The following SERGEF variants were observed in gnomAD, a reference collection of about 807,000 sequenced individuals.
SERGEF encodes the protein secretion-regulating guanine nucleotide exchange factor.
Under a neutral mutation model 50.0 loss-of-function variants are expected in SERGEF, and 51 were observed. The observed-to-expected ratio is 1.02, with a 90% CI of 0.81 to 1.29. SERGEF has a LOEUF of 1.29. Ranked by LOEUF, SERGEF falls within the 50% of genes most tolerant of loss-of-function variation. The probability of loss-of-function intolerance (pLI) is 0.00; values close to 1 mark genes in which losing one functional copy is unlikely to be tolerated. For synonymous variants in SERGEF, 205 were observed against 212.4 expected (o/e 0.97, Z 0.30); for missense variants, 521 against 557.0 (o/e 0.94, Z 0.65).
At chr11:17,875,586 T>C (rs1851224605) in intron 10 of SERGEF, among the ~76,000 whole-genome samples, 1 of 152,260 alleles carries the variant, frequency 6.6e-6, no homozygotes, top group Non-Finnish European at 1.5e-5. Flanking sequence ...GCTACTTATC[T>C]CTACAACCTG....
intron 9 of SERGEF, among the ~76,000 whole-genome samples, chr11:17,910,870 G>T (rs572745440): frequency 1.3e-5 from 2 of 152,186 alleles, no homozygotes; most frequent in African/African-American, 4.8e-5. Context: ...CAGTGCTGGG[G>T]ATAGAGGAGG....
At position 17,890,954 on chromosome 11, in the gene SERGEF, C is replaced by A. The variant is rs574631036; in HGVS notation, c.1012-12710G>T. Among the ~76,000 whole-genome samples the A allele has an allele frequency of 5.9e-5, 9 of 152,252 alleles. No individual in the cohort carries two copies. In the South Asian group the frequency reaches 1.7e-3, roughly 28 times the overall value. ...TTGAGCATCAAAATAAATAATGATA[C>A]TCATTGGAATATAAGCCAGAGACTA... is the stretch of plus-strand genomic sequence containing the variant. On this transcript the variant is annotated intron_variant, in intron 9 of 10. Coordinates refer to ENST00000265965, the MANE Select transcript of SERGEF (RefSeq NM_012139.4).
chr11:17,827,811 C>T (rs1850227184), intron 10 of SERGEF, among the ~76,000 whole-genome samples: 1 of 152,202 alleles, frequency 6.6e-6, no homozygotes, highest in Non-Finnish European at 1.5e-5. Flanking sequence ...GACTCCTAGA[C>T]ACTGAATCTG....
At chr11:18,008,740 C>A (rs1854134622) in intron 1 of SERGEF, among the ~76,000 whole-genome samples, 1 of 151,530 alleles carries the variant, frequency 6.6e-6, no homozygotes, top group Non-Finnish European at 1.5e-5. Context: ...GCAGGTGTAT[C>A]TCGTATCTCT....
chr11:17,959,202 T>C (rs1852940049), intron 9 of SERGEF, among the ~76,000 whole-genome samples: 1 of 152,226 alleles, frequency 6.6e-6, no homozygotes. Flanking sequence ...GGCCAATCTC[T>C]GTACCCTGAA....
intron 9 of SERGEF, among the ~76,000 whole-genome samples, chr11:17,896,578 AAGGG>A (rs1851628050): frequency 5.6e-5 from 2 of 35,542 alleles, no homozygotes; most frequent in Non-Finnish European, 1.1e-4. Flanking sequence ...AGGGGAAGGG[AAGGG>A]AAGGGGAAGG....
chr11:17,922,645 C>A (rs892884214), intron 9 of SERGEF, among the ~76,000 whole-genome samples: 1 of 152,130 alleles, frequency 6.6e-6, no homozygotes, highest in African/African-American at 2.4e-5. Context: ...CCCCTGAGAA[C>A]AAGCAGAACA....
At chr11:17,974,039 G>A (rs1290650266) in intron 8 of SERGEF, among the ~76,000 whole-genome samples, 1 of 152,122 alleles carries the variant, frequency 6.6e-6, no homozygotes, top group Non-Finnish European at 1.5e-5. Context: ...GCTAGTAGAT[G>A]GTGTGACAAA....
At chr11:17,951,758 A>G (rs1225494581) in intron 9 of SERGEF, among the ~76,000 whole-genome samples, 1 of 152,210 alleles carries the variant, frequency 6.6e-6, no homozygotes, top group Non-Finnish European at 1.5e-5. Flanking sequence ...CTGTTCTGCC[A>G]TGTACTGTGA....
intron 8 of SERGEF, among the ~76,000 whole-genome samples, chr11:17,969,436 G>A (rs1206668128): frequency 2.0e-5 from 3 of 151,932 alleles, no homozygotes; most frequent in African/African-American, 7.3e-5. Context: ...TCTCCCTCCC[G>A]GCAAGAAAGG....
intron 10 of SERGEF, among the ~76,000 whole-genome samples, chr11:17,817,244 G>A (rs1849993416): frequency 1.4e-5 from 2 of 141,558 alleles, no homozygotes; most frequent in Non-Finnish European, 1.5e-5. Flanking sequence ...ATGGAGTCTC[G>A]CTCTGTCGCC....
At chr11:17,979,354 A>T (rs746150962) in intron 8 of SERGEF, among the ~76,000 whole-genome samples, 1 of 152,190 alleles carries the variant, frequency 6.6e-6, no homozygotes, top group Non-Finnish European at 1.5e-5. Flanking sequence ...GGGGTATCCA[A>T]TGTATCTCCC....
At chr11:18,005,223 A>G (rs1854050003) in intron 3 of SERGEF, among the ~76,000 whole-genome samples, 1 of 152,218 alleles carries the variant, frequency 6.6e-6, no homozygotes, top group African/African-American at 2.4e-5. Context: ...ACTCCTTACA[A>G]TCCAAAACAT....
intron 9 of SERGEF, among the ~76,000 whole-genome samples, chr11:17,881,849 G>A (rs150585800): frequency 4.0e-4 from 61 of 152,170 alleles, no homozygotes; most frequent in Middle Eastern, 3.4e-3. Context: ...ACCATGTCAT[G>A]CCCATGTATA....
intron 10 of SERGEF, among the ~76,000 whole-genome samples, chr11:17,810,882 C>G (rs184524529): frequency 1.9e-3 from 282 of 151,992 alleles, no homozygotes; most frequent in Non-Finnish European, 3.2e-3. Context: ...CCAAGCCTAG[C>G]CACCGGACTG....
intron 9 of SERGEF, among the ~76,000 whole-genome samples, chr11:17,885,526 A>G (rs1851413792): frequency 6.6e-6 from 1 of 151,556 alleles, no homozygotes; most frequent in Admixed American, 6.6e-5. Context: ...GGATCTCATC[A>G]TGTTGTCCAG....
intron 9 of SERGEF, among the ~76,000 whole-genome samples, chr11:17,882,433 A>AG (rs1555006839): frequency 7.3e-5 from 11 of 151,542 alleles, no homozygotes; most frequent in South Asian, 2.1e-4. Context: ...AAAAAAAAAA[A>AG]AAAGAAAAAA....
At chr11:17,999,903 C>T (rs1259274134) in intron 5 of SERGEF, among the ~76,000 whole-genome samples, 3 of 152,186 alleles carry the variant, frequency 2.0e-5, no homozygotes, top group Non-Finnish European at 2.9e-5. Context: ...AAATGTAACT[C>T]GCATCACTTC....
At chr11:17,899,694 T>G (rs1440028237) in intron 9 of SERGEF, among the ~76,000 whole-genome samples, 1 of 152,138 alleles carries the variant, frequency 6.6e-6, no homozygotes, top group Admixed American at 6.5e-5. Context: ...GGCTCACACC[T>G]GTAATCCCAG....
Sources: gnomAD v4.1 joint callset for allele counts (sites outside exome capture counted in the v4.1 genomes callset) on GRCh38, gnomAD v4.1.1 for gene constraint, MANE v1.5 for transcripts, NCBI Gene and HGNC (gene_info 2026-07-23, HGNC 2026-07-21) for gene names.